The following RABGAP1L variants were observed in gnomAD, a reference collection of about 807,000 sequenced individuals.
RABGAP1L encodes rab GTPase-activating protein 1-like.
RABGAP1L carries 63 observed loss-of-function variants against 137.7 expected under a neutral mutation model. That is an observed-to-expected ratio of 0.46 (90% CI 0.37 to 0.56). RABGAP1L has a LOEUF of 0.56. RABGAP1L is among the 20% of genes least tolerant of loss of function. The pLI is 0.00. For missense variants in RABGAP1L, 1,095 were observed against 1,244.0 expected, an observed-to-expected ratio of 0.88 and a Z score of 1.80; for synonymous variants, 431 against 433.7, an observed-to-expected ratio of 0.99 and a Z score of 0.08.
intron 13 of RABGAP1L, among the ~76,000 whole-genome samples, chr1:174,630,708 A>G (rs1158859751): frequency 7.2e-6 from 1 of 139,416 alleles, no homozygotes; most frequent in Non-Finnish European, 1.5e-5. Context: ...CTCTGATGGT[A>G]GTTTGTATTT....
chr1:174,581,383 G>A (rs1335166586), intron 13 of RABGAP1L, among the ~76,000 whole-genome samples: 3 of 152,210 alleles, frequency 2.0e-5, no homozygotes, highest in African/African-American at 4.8e-5. Flanking sequence ...ATTGATGTAT[G>A]CTACAACGTG....
chr1:174,911,689 G>A (rs1660080461), intron 19 of RABGAP1L, among the ~76,000 whole-genome samples: 1 of 152,166 alleles, frequency 6.6e-6, no homozygotes, highest in Admixed American at 6.5e-5. Flanking sequence ...ATTCTTCTAA[G>A]CTGCTGAACA....
intron 13 of RABGAP1L, among the ~76,000 whole-genome samples, chr1:174,607,260 AAC>A (rs1388250667): frequency 6.6e-6 from 1 of 152,206 alleles, no homozygotes; most frequent in Non-Finnish European, 1.5e-5. Flanking sequence ...ACAAAGAGCT[AAC>A]AAGTTATGAA....
chr1:174,278,213 G>T (rs1387889971), intron 9 of RABGAP1L, among the ~76,000 whole-genome samples: 1 of 152,068 alleles, frequency 6.6e-6, no homozygotes, highest in Non-Finnish European at 1.5e-5. Flanking sequence ...GACCAGCCTG[G>T]CCAACATGGT....
intron 11 of RABGAP1L, chr1:174,367,738 T>C (rs1684774188): frequency 5.2e-6 from 1 of 191,756 alleles, no homozygotes; most frequent in South Asian, 1.2e-4. Flanking sequence ...GATGATTTTC[T>C]AACTGCAAGT....
intron 13 of RABGAP1L, among the ~76,000 whole-genome samples, chr1:174,542,661 C>T (rs1167826535): frequency 1.8e-4 from 28 of 151,994 alleles, no homozygotes; most frequent in Non-Finnish European, 2.6e-4. Context: ...GCTCTTGCTT[C>T]TCTAGTTCTT....
chr1:174,892,620 A>G (rs1009486266), intron 19 of RABGAP1L: 6 of 533,992 alleles, frequency 1.1e-5, no homozygotes, highest in African/African-American at 1.9e-5. Flanking sequence ...CTTGGCCTGT[A>G]CATTTTCTTA....
intron 13 of RABGAP1L, among the ~76,000 whole-genome samples, chr1:174,589,561 A>T (rs1669391917): frequency 6.6e-6 from 1 of 151,976 alleles, no homozygotes; most frequent in Non-Finnish European, 1.5e-5. Context: ...AGTTTCCTTA[A>T]TGTTTTCTTG....
chr1:174,174,193 AATAC>A (rs1309012568), intron 1 of RABGAP1L, among the ~76,000 whole-genome samples: 10 of 111,710 alleles, frequency 9.0e-5, no homozygotes, highest in African/African-American at 3.8e-4. Context: ...TTGGAAAAAA[AATAC>A]ACACACACAC....
intron 12 of RABGAP1L, among the ~76,000 whole-genome samples, chr1:174,378,844 G>C (rs1204521907): frequency 1.6e-5 from 2 of 121,610 alleles, no homozygotes; most frequent in Non-Finnish European, 3.5e-5. Flanking sequence ...TGGTGTTTTG[G>C]ACATGAAGTC....
intron 1 of RABGAP1L, among the ~76,000 whole-genome samples, chr1:174,164,745 A>C (rs928877008): frequency 1.3e-5 from 2 of 152,202 alleles, no homozygotes; most frequent in Non-Finnish European, 1.5e-5. Context: ...ATTTCATTTT[A>C]AAAATGCTGG....
intron 19 of RABGAP1L, among the ~76,000 whole-genome samples, chr1:174,937,358 C>A (rs1665018475): frequency 6.6e-6 from 1 of 150,862 alleles, no homozygotes. Flanking sequence ...GATCTCGACT[C>A]ACTGCAACCT....
At chr1:174,757,147 G>A (rs1684831247) in intron 18 of RABGAP1L, 1 of 402,476 alleles carries the variant, frequency 2.5e-6, no homozygotes, top group East Asian at 7.6e-5. Flanking sequence ...GTCAGCTTCA[G>A]TTCCCATAAT....
intron 18 of RABGAP1L, among the ~76,000 whole-genome samples, chr1:174,776,040 C>T (rs938428657): frequency 2.0e-5 from 3 of 152,148 alleles, no homozygotes; most frequent in Admixed American, 6.5e-5. Flanking sequence ...CTAAGAACTA[C>T]ACCATTTTCC....
At chr1:174,412,202 C>G (rs1233581259) in intron 13 of RABGAP1L, among the ~76,000 whole-genome samples, 1 of 152,094 alleles carries the variant, frequency 6.6e-6, no homozygotes, top group Non-Finnish European at 1.5e-5. Flanking sequence ...GAATTGAACT[C>G]TTTATCATTA....
intron 19 of RABGAP1L, among the ~76,000 whole-genome samples, chr1:174,942,166 G>C (rs1166105735): frequency 6.6e-6 from 1 of 152,180 alleles, no homozygotes; most frequent in Non-Finnish European, 1.5e-5. Flanking sequence ...AGCCATTAGT[G>C]CAAAGACACA....
At chr1:174,202,339 C>T (rs1027784501) in intron 1 of RABGAP1L, among the ~76,000 whole-genome samples, 27 of 152,154 alleles carry the variant, frequency 1.8e-4, no homozygotes, top group Admixed American at 3.9e-4. Context: ...TAATGATTCC[C>T]ATTCTAACTG....
chr1:174,347,851 A>G (rs922654817), intron 11 of RABGAP1L, among the ~76,000 whole-genome samples: 2 of 152,110 alleles, frequency 1.3e-5, no homozygotes, highest in African/African-American at 4.8e-5. Flanking sequence ...TTCCATTTGC[A>G]TGGGATATCT....
chr1:174,563,367 T>C (rs546324472), intron 13 of RABGAP1L, among the ~76,000 whole-genome samples: 1 of 152,340 alleles, frequency 6.6e-6, no homozygotes, highest in Admixed American at 6.5e-5. Context: ...CATATGGATA[T>C]ACAATATAGT....
Sources: allele counts gnomAD v4.1 joint callset (sites outside exome capture counted in the v4.1 genomes callset), GRCh38; gene constraint gnomAD v4.1.1; transcripts MANE v1.5; gene names NCBI Gene and HGNC (gene_info 2026-07-23, HGNC 2026-07-21).